HMGN3: variants seen among roughly 807,000 people sequenced by gnomAD.
HMGN3 encodes high mobility group nucleosomal binding domain 3.
In HMGN3, 6 loss-of-function variants were observed where a neutral mutation model predicts 18.8. The observed-to-expected ratio is 0.32, with a 90% confidence interval of 0.18 to 0.63. The LOEUF is 0.63. Among genes scored for constraint, HMGN3 ranks in the 30% least tolerant of loss-of-function variants. HMGN3 has a pLI of 0.79. For synonymous variants in HMGN3, 40 were observed against 36.5 expected (o/e 1.10, Z -0.35); for missense variants, 107 against 114.2 (o/e 0.94, Z 0.29).
chr6:79,214,994 C>T (rs966641401), exon 2 of HMGN3: 2 of 1,524,370 alleles, frequency 1.3e-6, no homozygotes, highest in Non-Finnish European at 1.8e-6. Context: ...TACTTTGGAT[C>T]CATCTTTGCC....
At chr6:79,207,699 C>T (rs1209479693) in intron 3 of HMGN3, among the ~76,000 whole-genome samples, 2 of 152,144 alleles carry the variant, frequency 1.3e-5, no homozygotes, top group Non-Finnish European at 2.9e-5. Context: ...CCCATTTTTG[C>T]TTTGATTCCT....
chr6:79,211,462 CTT>C (rs775316236), intron 2 of HMGN3, among the ~76,000 whole-genome samples: 165 of 93,124 alleles, frequency 1.8e-3, no homozygotes, highest in African/African-American at 4.7e-3. Flanking sequence ...AAGAATTTCT[CTT>C]GTTTTTTTTT....
At chr6:79,217,912 G>A (rs1777075162) in intron 1 of HMGN3, among the ~76,000 whole-genome samples, 1 of 152,236 alleles carries the variant, frequency 6.6e-6, no homozygotes, top group Non-Finnish European at 1.5e-5. Flanking sequence ...TGAAAGATGA[G>A]GAGAGTTAGA....
chr6:79,218,512 A>C (rs753051767), intron 1 of HMGN3, among the ~76,000 whole-genome samples: 73 of 152,336 alleles, frequency 4.8e-4, no homozygotes, highest in Non-Finnish European at 9.0e-4. Context: ...TGTGCACATC[A>C]ACAGAGATGA....
rs534632968 is a variant in HMGN3, at chr6:79,206,888, C to T, written c.96+1659G>A. ...CATGGAAACCCACGTCCTGCATCAG[C>T]GTGACCTGGATGCAAGAAAAGGAGT... is the stretch of plus-strand genomic sequence containing the variant. On this transcript the variant is annotated intron_variant, in intron 3 of 5. Transcript: ENST00000344726. Among the ~76,000 whole-genome samples, 3 of 152,340 alleles carry T rather than the reference C, an allele frequency of 2.0e-5. No individual in the cohort carries two copies. In the South Asian group the frequency reaches 6.2e-4, roughly 32 times the overall value.
At chr6:79,207,843 T>C (rs1776494278) in intron 3 of HMGN3, among the ~76,000 whole-genome samples, 1 of 152,104 alleles carries the variant, frequency 6.6e-6, no homozygotes, top group Non-Finnish European at 1.5e-5. Flanking sequence ...CCAATGCCTT[T>C]CCCTCTACCT....
At chr6:79,226,307 T>G (rs1777565557) in intron 1 of HMGN3, among the ~76,000 whole-genome samples, 1 of 152,166 alleles carries the variant, frequency 6.6e-6, no homozygotes, top group Non-Finnish European at 1.5e-5. Flanking sequence ...TTATCACAGG[T>G]GCTGTGGGGA....
chr6:79,203,094 GGTC>G lies in HMGN3; in HGVS notation c.147+483_147+485del, dbSNP rs549652376. On this transcript the variant is annotated intron_variant, in intron 4 of 5. Coordinates refer to ENST00000344726, the Ensembl canonical transcript of HMGN3. Reference sequence around the variant, plus strand: ...TCTACTTCAACAGAGTTGATGTGAAGGTCATATGAGTAAAGCAATCAACCTTAT... The same window carrying G: ...TCTACTTCAACAGAGTTGATGTGAAGATATGAGTAAAGCAATCAACCTTAT... Among the ~76,000 whole-genome samples, 32 of 152,294 alleles carry G rather than the reference GGTC, an allele frequency of 2.1e-4. No homozygotes were observed. The South Asian group carries it at 6.2e-3, about 30-fold the overall frequency.
intron 5 of HMGN3, 35 bp from the exon 7 acceptor site, chr6:79,201,761 A>C: frequency 6.3e-7 from 1 of 1,597,942 alleles, no homozygotes; most frequent in South Asian, 1.1e-5. Context: ...ACATATAGTT[A>C]CTACTGAAAC....
intron 1 of HMGN3, among the ~76,000 whole-genome samples, chr6:79,223,158 C>A (rs1388084680): frequency 6.6e-6 from 1 of 152,146 alleles, no homozygotes; most frequent in Non-Finnish European, 1.5e-5. Flanking sequence ...GAGGGCAGAT[C>A]ACTTGAGGCC....
intron 2 of HMGN3, among the ~76,000 whole-genome samples, chr6:79,209,179 C>A (rs891813340): frequency 2.6e-5 from 4 of 152,144 alleles, no homozygotes; most frequent in African/African-American, 7.2e-5. Flanking sequence ...ATTAAAAGTG[C>A]ATTACTTTTT....
chr6:79,234,587 T>G (rs777634488), exon 1 of HMGN3: 196 of 1,611,914 alleles, frequency 1.2e-4, no homozygotes, highest in Non-Finnish European at 1.6e-4. Flanking sequence ...AAGCAAAAAG[T>G]AAAGCAACGG....
chr6:79,225,619 A>G (rs1422485736), intron 1 of HMGN3, among the ~76,000 whole-genome samples: 3 of 152,210 alleles, frequency 2.0e-5, no homozygotes, highest in Non-Finnish European at 4.4e-5. Flanking sequence ...ATTATTCTAT[A>G]TATAGCAAAT....
chr6:79,220,819 A>G (rs1777245867), intron 1 of HMGN3, among the ~76,000 whole-genome samples: 1 of 152,214 alleles, frequency 6.6e-6, no homozygotes, highest in South Asian at 2.1e-4. Context: ...AAAGGTATAA[A>G]AGCAAGAACT....
chr6:79,203,769 T>C, intron 3 of HMGN3, 139 bp from the exon 4 acceptor site: 1 of 681,344 alleles, frequency 1.5e-6, no homozygotes, highest in Non-Finnish European at 2.5e-6. Context: ...CATCCTATTT[T>C]CAGCACCAGG....
rs151091698 is a variant in HMGN3, at chr6:79,210,129, G to C, written c.67-1553C>G. 2.1e-3 allele frequency among the ~76,000 whole-genome samples: 321 copies of C among 152,284 alleles called. 3 individuals are homozygous for C. The highest frequency in any genetic ancestry group is 6.9e-3 in the African/African-American group (287 of 41,540). ...TGACAGTGCACCCATAAGTCCCTGG[G>C]AACCAGAATCCAAATCCTGCAATAC... On this transcript the variant is annotated intron_variant, in intron 2 of 5. Transcript: ENST00000344726.
chr6:79,233,760 C>T (rs1205295166), intron 1 of HMGN3: 1 of 152,408 alleles, frequency 6.6e-6, no homozygotes, highest in African/African-American at 2.4e-5. Context: ...TCGCTAGACG[C>T]GCAGAGGGGC....
intron 1 of HMGN3, among the ~76,000 whole-genome samples, chr6:79,225,724 A>G (rs1777534192): frequency 6.6e-6 from 1 of 152,212 alleles, no homozygotes; most frequent in Admixed American, 6.5e-5. Context: ...TACTCTAAAC[A>G]ATCAATATTT....
chr6:79,222,883 A>G (rs1777372448), intron 1 of HMGN3, among the ~76,000 whole-genome samples: 1 of 152,208 alleles, frequency 6.6e-6, no homozygotes, highest in Admixed American at 6.5e-5. Context: ...AGTAGTAATT[A>G]AGAACGCTTC....
Sources: gnomAD v4.1 joint callset for allele counts (sites outside exome capture counted in the v4.1 genomes callset) on GRCh38, gnomAD v4.1.1 for gene constraint, MANE v1.5 for transcripts, NCBI Gene and HGNC (gene_info 2026-07-23, HGNC 2026-07-21) for gene names.